Variants in GUCY1A2 observed in about 807,000 individuals in gnomAD.
GUCY1A2 encodes the protein guanylate cyclase 1 soluble subunit alpha 2.
GUCY1A2 carries 27 observed loss-of-function variants against 63.5 expected under a neutral mutation model. That is an observed-to-expected ratio of 0.43 (90% CI 0.31 to 0.59). GUCY1A2 has a LOEUF of 0.59. Ranked by LOEUF, GUCY1A2 falls within the 20% of genes least tolerant of loss-of-function variation. The pLI, the probability that GUCY1A2 is intolerant of heterozygous loss-of-function variation, is 0.11. For missense variants in GUCY1A2, 768 were observed against 913.3 expected (o/e 0.84, Z 2.05); for synonymous variants, 364 against 343.5 (o/e 1.06, Z -0.66).
chr11:106,783,379 CA>C (rs1864499242), intron 5 of GUCY1A2, among the ~76,000 whole-genome samples: 1 of 152,164 alleles, frequency 6.6e-6, no homozygotes, highest in Non-Finnish European at 1.5e-5. Context: ...TGATCTGGAG[CA>C]GGGGCAACTT....
intron 4 of GUCY1A2, among the ~76,000 whole-genome samples, chr11:106,900,961 C>A (rs1295178455): frequency 1.3e-5 from 2 of 152,172 alleles, no homozygotes; most frequent in African/African-American, 4.8e-5. Context: ...GTAGTTCTGA[C>A]AATTTCTTGA....
At chr11:106,798,383 A>G (rs1864807455) in intron 5 of GUCY1A2, among the ~76,000 whole-genome samples, 1 of 152,200 alleles carries the variant, frequency 6.6e-6, no homozygotes, top group Non-Finnish European at 1.5e-5. Context: ...CAATCAAAAG[A>G]AAAAGAGGGA....
chr11:106,811,245 A>G (rs971500647), intron 4 of GUCY1A2, among the ~76,000 whole-genome samples: 33 of 152,214 alleles, frequency 2.2e-4, no homozygotes, highest in Non-Finnish European at 1.8e-4. Context: ...CTGAGATTTA[A>G]TGGGAAACTT....
Position 106,678,647 on chromosome 11 carries a change from A to G in GUCY1A2, c.*8902T>C. On this transcript the variant is annotated 3_prime_UTR_variant, in exon 8 of 8. Coordinates refer to ENST00000526355, the MANE Select transcript of GUCY1A2 (RefSeq NM_000855.3). ...AGTCAGAGGTGATGTAACAATATTC[A>G]TATTTGTTGTTCAAATGATTTGAAC... 4.8e-6 allele frequency: 1 copy of G among 210,410 alleles called. No homozygotes were observed. The highest frequency in any genetic ancestry group is 9.7e-6 in the Non-Finnish European group (1 of 103,490). The allele number at this position is 210,410 out of a possible 1,614,324, so 13.0% of individuals were successfully genotyped here. A position where few individuals can be genotyped will look rare whatever the true frequency, so the allele number is the denominator to read the frequency against.
In GUCY1A2 at chr11:106,857,475, T is replaced by A. The variant is rs759029251; in HGVS notation, c.1207-46997A>T. ...CATCCCATCAGTTGCAGTCCCCTAC[T>A]TACACACAGCTTCATATAAAACCAG... On this transcript the variant is annotated intron_variant, in intron 4 of 7. Transcript: ENST00000526355. 4.9e-4 allele frequency among the ~76,000 whole-genome samples: 75 copies of A among 152,186 alleles called. 1 individual carries two copies. The highest frequency in any genetic ancestry group is 1.1e-3 in the Non-Finnish European group (73 of 68,030).
At chr11:106,902,088 A>T (rs1379658545) in intron 4 of GUCY1A2, among the ~76,000 whole-genome samples, 1 of 152,204 alleles carries the variant, frequency 6.6e-6, no homozygotes, top group African/African-American at 2.4e-5. Context: ...TAACTCCTTG[A>T]TCCATGGGCT....
At chr11:106,998,817 A>G (rs1046881388) in intron 1 of GUCY1A2, among the ~76,000 whole-genome samples, 1 of 152,130 alleles carries the variant, frequency 6.6e-6, no homozygotes, top group African/African-American at 2.4e-5. Flanking sequence ...ACAGTTTATA[A>G]TCCAAAATTT....
intron 4 of GUCY1A2, among the ~76,000 whole-genome samples, chr11:106,895,766 C>A (rs1018508712): frequency 5.3e-5 from 8 of 152,034 alleles, no homozygotes; most frequent in Admixed American, 3.3e-4. Context: ...GCCAGTATCA[C>A]CCTAATAACA....
At chr11:106,726,170 T>C (rs540825593) in intron 6 of GUCY1A2, among the ~76,000 whole-genome samples, 13 of 152,156 alleles carry the variant, frequency 8.5e-5, no homozygotes, top group Non-Finnish European at 1.0e-4. Flanking sequence ...ATCCCAGCAA[T>C]TTGGGAGGCT....
In GUCY1A2 at chr11:107,004,662, A is replaced by G. The variant is rs112562197; in HGVS notation, c.303+13091T>C. Among the ~76,000 whole-genome samples the G allele has an allele frequency of 5.9e-3, 905 of 152,318 alleles. 8 individuals are homozygous for G. The highest frequency in any genetic ancestry group is 0.021 in the African/African-American group (872 of 41,554). The stretch of plus-strand genomic sequence containing the variant: ...TAATAAATAGGTAAACTAGTAAATA[A>G]GATAATTTATGATAGTGAAGCTATG... On this transcript the variant is annotated intron_variant, in intron 1 of 7. Coordinates refer to ENST00000526355, the MANE Select transcript of GUCY1A2 (RefSeq NM_000855.3).
At chr11:107,017,023 G>A (rs537150497) in intron 1 of GUCY1A2, among the ~76,000 whole-genome samples, 3 of 151,864 alleles carry the variant, frequency 2.0e-5, no homozygotes, top group Non-Finnish European at 4.4e-5. Context: ...CATGTAACCC[G>A]GGACTTTAAA....
chr11:106,884,178 T>C (rs1206718259), intron 4 of GUCY1A2, among the ~76,000 whole-genome samples: 6 of 151,806 alleles, frequency 4.0e-5, no homozygotes, highest in Non-Finnish European at 7.4e-5. Context: ...ACTTGGAGTA[T>C]AACAAAAAAA....
intron 6 of GUCY1A2, among the ~76,000 whole-genome samples, chr11:106,712,521 TTTTC>T (rs1863138623): frequency 6.6e-6 from 1 of 151,662 alleles, no homozygotes; most frequent in East Asian, 2.0e-4. Context: ...ATGTCTCAGA[TTTTC>T]TTTATGTCTA....
intron 6 of GUCY1A2, among the ~76,000 whole-genome samples, chr11:106,750,289 T>G (rs971955944): frequency 6.6e-6 from 1 of 152,082 alleles, no homozygotes; most frequent in Non-Finnish European, 1.5e-5. Flanking sequence ...CCCTGCTTTA[T>G]TCTAGCCATG....
Position 107,017,760 on chromosome 11 carries a change from G to A in GUCY1A2, c.296C>T (p.Ala99Val), listed in dbSNP as rs1459891933. The A allele has an allele frequency of 1.4e-6, 2 of 1,410,478 alleles. No individual in the cohort carries two copies. The highest frequency in any genetic ancestry group is 2.5e-5 in the Admixed American group (1 of 40,026). 87.4% of individuals were successfully genotyped at this position (1,410,478 alleles called of 1,614,324 possible). ...CTTCCGCCCCCCGCTCACCGAGGGC[G>A]CCGTCAGGCGGCTGATGCTCTCGCC... Reference protein sequence around the residue: ...SLGESISRLTAPSPQTIQQTL... With the variant: ...SLGESISRLTVPSPQTIQQTL... Residue 99 changes from alanine to valine, a missense_variant, in exon 1 of 8, where the codon GCG becomes GTG. Ala to Val is a moderately conservative substitution (Grantham distance 64, BLOSUM62 0). Transcript: ENST00000526355.
intron 5 of GUCY1A2, among the ~76,000 whole-genome samples, chr11:106,807,671 G>C (rs1461504581): frequency 6.6e-6 from 1 of 152,170 alleles, no homozygotes; most frequent in Non-Finnish European, 1.5e-5. Flanking sequence ...GTCTATGAGG[G>C]TGTTGCCAAA....
In GUCY1A2 at chr11:106,681,364, T is replaced by C. The variant is rs944928689; in HGVS notation, c.*6185A>G. On this transcript the variant is annotated 3_prime_UTR_variant, in exon 8 of 8. Coordinates refer to ENST00000526355, the MANE Select transcript of GUCY1A2 (RefSeq NM_000855.3). ...ATCTATATTTTTGCAAAGCCTACTT[T>C]CTCAATCACCTCTTCCAACCTATGC... 6 of 226,500 alleles carry C rather than the reference T, an allele frequency of 2.6e-5. No individual in the cohort carries two copies. Among genetic ancestry groups the C allele is most frequent in the African/African-American group, 1.3e-4 (6 of 44,962 alleles). 14.0% of individuals were successfully genotyped at this position (226,500 alleles called of 1,614,324 possible).
intron 4 of GUCY1A2, among the ~76,000 whole-genome samples, chr11:106,889,219 A>G (rs1859942589): frequency 6.6e-6 from 1 of 152,194 alleles, no homozygotes; most frequent in Non-Finnish European, 1.5e-5. Context: ...CACATTATAC[A>G]TTCTCAGAAG....
chr11:106,930,234 T>C (rs745561550), intron 4 of GUCY1A2, among the ~76,000 whole-genome samples: 4 of 152,098 alleles, frequency 2.6e-5, no homozygotes, highest in African/African-American at 7.2e-5. Flanking sequence ...GACTATGAGG[T>C]TGGCAATGAA....
Sources: allele counts gnomAD v4.1 joint callset (sites outside exome capture counted in the v4.1 genomes callset), GRCh38; gene constraint gnomAD v4.1.1; transcripts MANE v1.5; gene names NCBI Gene and HGNC (gene_info 2026-07-23, HGNC 2026-07-21).